RFX3: variants seen among roughly 807,000 people sequenced by gnomAD.
RFX3 encodes regulatory factor X3.
RFX3 carries 14 observed loss-of-function variants against 98.6 expected under a neutral mutation model. That is an observed-to-expected ratio of 0.14 (90% confidence interval 0.09 to 0.22). The LOEUF (loss-of-function observed/expected upper bound fraction) is 0.22. Among genes scored for constraint, RFX3 ranks in the 10% least tolerant of loss-of-function variants. RFX3 has a pLI of 1.00. For missense variants in RFX3, 639 were observed against 926.9 expected, an observed-to-expected ratio of 0.69 and a Z score of 4.03; for synonymous variants, 383 against 328.4, an observed-to-expected ratio of 1.17 and a Z score of -1.80.
chr9:3,474,313 C>A (rs1288057694), intron 1 of RFX3, among the ~76,000 whole-genome samples: 1 of 152,152 alleles, frequency 6.6e-6, no homozygotes, highest in Non-Finnish European at 1.5e-5. Context: ...GAGAAGTATG[C>A]AGCACTTTTT....
intron 2 of RFX3, among the ~76,000 whole-genome samples, chr9:3,347,029 G>C (rs1432121948): frequency 6.6e-6 from 1 of 152,106 alleles, no homozygotes; most frequent in Non-Finnish European, 1.5e-5. Context: ...TTAAAATTAT[G>C]AAAGTTCTTG....
intron 1 of RFX3, among the ~76,000 whole-genome samples, chr9:3,510,674 T>C (rs1587903690): frequency 6.6e-6 from 1 of 152,018 alleles, no homozygotes; most frequent in South Asian, 2.1e-4. Flanking sequence ...CTACTGTAAA[T>C]GTTGAAACTC....
intron 1 of RFX3, among the ~76,000 whole-genome samples, chr9:3,431,004 A>G (rs1037296243): frequency 6.6e-6 from 1 of 152,254 alleles, no homozygotes; most frequent in South Asian, 2.1e-4. Flanking sequence ...AGTCAAGAGA[A>G]GTGTAAACAA....
intron 14 of RFX3, among the ~76,000 whole-genome samples, chr9:3,254,116 G>A (rs1821787108): frequency 6.6e-6 from 1 of 152,148 alleles, no homozygotes; most frequent in African/African-American, 2.4e-5. Context: ...AGGGAGGACA[G>A]AGGGCAGGCA....
chr9:3,243,027 T>C (rs1173620088), intron 15 of RFX3, among the ~76,000 whole-genome samples: 1 of 151,982 alleles, frequency 6.6e-6, no homozygotes, highest in Non-Finnish European at 1.5e-5. Flanking sequence ...AATATATTAA[T>C]GGACTATGTA....
At chr9:3,261,452 C>T (rs770228336) in intron 13 of RFX3, among the ~76,000 whole-genome samples, 2 of 152,120 alleles carry the variant, frequency 1.3e-5, no homozygotes, top group Non-Finnish European at 2.9e-5. Context: ...CAAGGTTCAT[C>T]TATACTGCAG....
intron 3 of RFX3, among the ~76,000 whole-genome samples, chr9:3,343,481 G>A (rs1834119687): frequency 6.6e-6 from 1 of 152,082 alleles, no homozygotes; most frequent in Non-Finnish European, 1.5e-5. Context: ...ATAAAAAGAA[G>A]TCATAGAAAG....
At position 3,224,033 on chromosome 9, in the gene RFX3, C is replaced by A. The variant is rs955035551; in HGVS notation, c.*1009G>T. ...ATAACGTTATGTAGGTTGCTACATT[C>A]CTTGCATTCTATAAATTCTCGTTTA... On this transcript the variant is annotated 3_prime_UTR_variant, in exon 17 of 17. Transcript: ENST00000617270. 1 of 152,132 alleles carries A rather than the reference C, an allele frequency of 6.6e-6. No homozygotes were observed. Among genetic ancestry groups the A allele is most frequent in the African/African-American group, 2.4e-5 (1 of 41,416 alleles). The allele number at this position is 152,132 out of a possible 1,614,324, so 9.4% of individuals were successfully genotyped here. A position where few individuals can be genotyped will look rare whatever the true frequency, so the allele number is the denominator to read the frequency against.
chr9:3,330,727 G>C (rs1832497248), intron 3 of RFX3, among the ~76,000 whole-genome samples: 1 of 152,126 alleles, frequency 6.6e-6, no homozygotes. Context: ...ACCTCAACTA[G>C]TTTCTGTACT....
intron 13 of RFX3, 89 bp downstream of exon 13, chr9:3,262,846 A>G: frequency 7.4e-7 from 1 of 1,358,588 alleles, no homozygotes; most frequent in Non-Finnish European, 1.0e-6. Context: ...TATAGATGAG[A>G]CTTTGAAAAG....
At position 3,274,696 on chromosome 9, in the gene RFX3, G is replaced by C. The variant is rs10971055; in HGVS notation, c.1086+804C>G. 2.2e-4 allele frequency among the ~76,000 whole-genome samples: 33 copies of C among 152,218 alleles called. No individual in the cohort carries two copies. The East Asian group carries it at 3.5e-3, about 16-fold the overall frequency. On this transcript the variant is annotated intron_variant, in intron 9 of 16. Transcript: ENST00000617270. Reference sequence around the variant, plus strand: ...AACATTTCCAGAAATTATTTTAATAGAAATATACACTTATGATATAAAATT... The same window carrying C: ...AACATTTCCAGAAATTATTTTAATACAAATATACACTTATGATATAAAATT...
intron 1 of RFX3, among the ~76,000 whole-genome samples, chr9:3,462,516 C>A (rs1399599230): frequency 1.3e-5 from 2 of 151,980 alleles, no homozygotes; most frequent in Non-Finnish European, 2.9e-5. Flanking sequence ...CATTTTTACT[C>A]AACGCTGTAG....
intron 14 of RFX3, among the ~76,000 whole-genome samples, chr9:3,249,287 T>C (rs1821081355): frequency 6.6e-6 from 1 of 152,138 alleles, no homozygotes; most frequent in Non-Finnish European, 1.5e-5. Context: ...TCAAATTGTA[T>C]GCATTCAACT....
rs376082444 is a variant in RFX3, at chr9:3,265,546, A to T, written c.1455+662T>A. 5.9e-5 allele frequency among the ~76,000 whole-genome samples: 9 copies of T among 152,330 alleles called. No homozygotes were observed. The East Asian group carries it at 1.7e-3, about 29-fold the overall frequency. On this transcript the variant is annotated intron_variant, in intron 12 of 16. Coordinates refer to ENST00000617270, the MANE Select transcript of RFX3 (RefSeq NM_001282116.2). ...TGATTTCTGTTACCAACATTTAAAT[A>T]AAATTTAGAAATAGTCCAATCTTGC...
At chr9:3,497,229 C>T (rs1851176934) in intron 1 of RFX3, among the ~76,000 whole-genome samples, 1 of 152,008 alleles carries the variant, frequency 6.6e-6, no homozygotes, top group Non-Finnish European at 1.5e-5. Context: ...ATAGGCAGTA[C>T]TATTCTATAA....
chr9:3,279,792 A>C (rs889325999), intron 7 of RFX3, among the ~76,000 whole-genome samples: 1 of 151,986 alleles, frequency 6.6e-6, no homozygotes, highest in South Asian at 2.1e-4. Flanking sequence ...AGGAGAGATT[A>C]TATTTTTAAT....
chr9:3,437,480 A>C (rs1048585131), intron 1 of RFX3, among the ~76,000 whole-genome samples: 4 of 152,094 alleles, frequency 2.6e-5, no homozygotes, highest in Non-Finnish European at 5.9e-5. Context: ...TCTAGAAACT[A>C]GAGGTGCTTT....
intron 1 of RFX3, among the ~76,000 whole-genome samples, chr9:3,449,501 T>G (rs1473673528): frequency 6.6e-6 from 1 of 152,224 alleles, no homozygotes; most frequent in East Asian, 1.9e-4. Flanking sequence ...CTGTACACTA[T>G]CAGTTTATTT....
chr9:3,280,242 G>A (rs148396619), intron 7 of RFX3, among the ~76,000 whole-genome samples: 77 of 151,888 alleles, frequency 5.1e-4, no homozygotes, highest in African/African-American at 1.8e-3. Flanking sequence ...TTTAGGATGG[G>A]TTTGTGCCAT....
Sources: gnomAD v4.1 joint callset for allele counts (sites outside exome capture counted in the v4.1 genomes callset) on GRCh38, gnomAD v4.1.1 for gene constraint, MANE v1.5 for transcripts, NCBI Gene and HGNC (gene_info 2026-07-23, HGNC 2026-07-21) for gene names.